The following ITPR2 variants were observed in gnomAD, a reference collection of about 807,000 sequenced individuals.
ITPR2 encodes inositol 1,4,5-trisphosphate receptor type 2, also known as inositol 1,4,5-trisphosphate-gated calcium channel ITPR2.
A neutral mutation model predicts 317.1 loss-of-function variants in ITPR2; 207 were observed. That is an observed-to-expected ratio of 0.65 (90% confidence interval 0.58 to 0.73). The LOEUF is 0.73. Among genes scored for constraint, ITPR2 ranks in the 30% least tolerant of loss-of-function variants. The probability of loss-of-function intolerance (pLI) is 0.00; values close to 1 mark genes in which losing one functional copy is unlikely to be tolerated. For synonymous variants in ITPR2, 1,156 were observed against 1,149.1 expected, an observed-to-expected ratio of 1.01 and a Z score of -0.12; for missense variants, 2,613 against 3,284.0, an observed-to-expected ratio of 0.80 and a Z score of 4.99.
At position 26,337,029 on chromosome 12, in the gene ITPR2, A is replaced by C. The variant is rs989183224; in HGVS notation, c.*2368T>G. Reference sequence around the variant, plus strand: ...TTTCTAAGCATTTAGGCAGAAAAGAAAGAGGCATTAAAAATACAACTCAGA... The same window carrying C: ...TTTCTAAGCATTTAGGCAGAAAAGACAGAGGCATTAAAAATACAACTCAGA... On this transcript the variant is annotated 3_prime_UTR_variant, in exon 57 of 57. Transcript: ENST00000381340. 1 of 151,402 alleles carries C rather than the reference A, an allele frequency of 6.6e-6. No homozygotes were observed. The highest frequency in any genetic ancestry group is 1.5e-5 in the Non-Finnish European group (1 of 67,906). The allele number at this position is 151,402 out of a possible 1,614,324, so 9.4% of individuals were successfully genotyped here. A position where few individuals can be genotyped will look rare whatever the true frequency, so the allele number is the denominator to read the frequency against.
At chr12:26,463,617 A>G (rs1384933695) in intron 45 of ITPR2, among the ~76,000 whole-genome samples, 2 of 152,040 alleles carry the variant, frequency 1.3e-5, no homozygotes, top group Non-Finnish European at 2.9e-5. Flanking sequence ...CTGAGCTGAG[A>G]TCGCACCACT....
intron 38 of ITPR2, 58 bp downstream of exon 38, chr12:26,495,094 C>T (rs1269809306): frequency 3.4e-6 from 3 of 892,984 alleles, no homozygotes; most frequent in Admixed American, 1.8e-5. Context: ...TAGAGTAACA[C>T]TGACATGAAG....
intron 8 of ITPR2, among the ~76,000 whole-genome samples, chr12:26,714,998 C>T (rs1343150645): frequency 6.6e-6 from 1 of 152,110 alleles, no homozygotes; most frequent in East Asian, 1.9e-4. Context: ...CTAGTCTTGA[C>T]ATTTCACAAT....
intron 1 of ITPR2, among the ~76,000 whole-genome samples, chr12:26,812,210 C>T (rs947895827): frequency 1.7e-4 from 26 of 151,102 alleles, no homozygotes; most frequent in African/African-American, 6.1e-4. Flanking sequence ...TCCGTTGGCA[C>T]TAAAATGTGT....
chr12:26,552,536 C>CA (rs1351535171), intron 36 of ITPR2, among the ~76,000 whole-genome samples: 3 of 152,122 alleles, frequency 2.0e-5, no homozygotes, highest in Admixed American at 6.5e-5. Context: ...AGCAAACACA[C>CA]AATGAAAGTA....
chr12:26,516,264 A>AGGG (rs1173629447), intron 37 of ITPR2, among the ~76,000 whole-genome samples: 33 of 48,954 alleles, frequency 6.7e-4, no homozygotes, highest in Non-Finnish European at 1.1e-3. Context: ...AAGGAAAGGA[A>AGGG]AGGAAAGGAA....
At chr12:26,763,849 T>A (rs992326834) in intron 2 of ITPR2, among the ~76,000 whole-genome samples, 2 of 152,114 alleles carry the variant, frequency 1.3e-5, no homozygotes, top group African/African-American at 4.8e-5. Context: ...GATCTTTACA[T>A]CTAGCCTCTA....
At chr12:26,674,111 C>A (rs1425690004) in intron 13 of ITPR2, among the ~76,000 whole-genome samples, 1 of 141,854 alleles carries the variant, frequency 7.0e-6, no homozygotes, top group Non-Finnish European at 1.5e-5. Context: ...GTGAAAATGG[C>A]CATACTGCCC....
intron 37 of ITPR2, among the ~76,000 whole-genome samples, chr12:26,497,615 A>G (rs1942969563): frequency 6.6e-6 from 1 of 152,182 alleles, no homozygotes; most frequent in Non-Finnish European, 1.5e-5. Flanking sequence ...TACATGGCAT[A>G]GCCTGTCTAC....
At chr12:26,706,550 T>C (rs985576391) in intron 9 of ITPR2, among the ~76,000 whole-genome samples, 14 of 152,190 alleles carry the variant, frequency 9.2e-5, no homozygotes, top group Non-Finnish European at 1.9e-4. Context: ...CCCATGTGCC[T>C]TACTCATTCA....
intron 43 of ITPR2, 29 bp from the exon 44 acceptor site, chr12:26,477,036 T>G (rs779591310): frequency 1.4e-6 from 2 of 1,387,326 alleles, no homozygotes; most frequent in South Asian, 2.4e-5. Flanking sequence ...TTAATGTGCA[T>G]GCAAAGTCTA....
At chr12:26,784,041 A>G (rs1160698812) in intron 2 of ITPR2, among the ~76,000 whole-genome samples, 1 of 146,878 alleles carries the variant, frequency 6.8e-6, no homozygotes, top group Non-Finnish European at 1.5e-5. Context: ...AGTCAAAAGG[A>G]CTTTAGTGGA....
intron 54 of ITPR2, among the ~76,000 whole-genome samples, chr12:26,392,493 A>G (rs1215520236): frequency 1.3e-5 from 2 of 152,104 alleles, no homozygotes; most frequent in Admixed American, 1.3e-4. Flanking sequence ...ACAACACTTC[A>G]CTATGAAAAT....
At chr12:26,700,894 T>C (rs970418810) in intron 9 of ITPR2, among the ~76,000 whole-genome samples, 1 of 152,184 alleles carries the variant, frequency 6.6e-6, no homozygotes. Context: ...GAGAAAACCG[T>C]TTATCATGAC....
chr12:26,773,422 G>A (rs527889228), intron 2 of ITPR2, among the ~76,000 whole-genome samples: 41 of 152,214 alleles, frequency 2.7e-4, no homozygotes, highest in Non-Finnish European at 4.4e-4. Flanking sequence ...TGAGCCTGCA[G>A]CTCATGAAAA....
chr12:26,486,962 G>T, intron 40 of ITPR2, 106 bp downstream of exon 40: 1 of 1,140,422 alleles, frequency 8.8e-7, no homozygotes, highest in Non-Finnish European at 1.3e-6. Flanking sequence ...CCACAGTGGG[G>T]ATAATTAAAC....
rs77462307 is a variant in ITPR2 at position 26,831,609 on chromosome 12, G to A, written c.92+1081C>T. Among the ~76,000 whole-genome samples, 22,670 of 150,342 alleles carry A rather than the reference G, an allele frequency of 0.15. 2,245 individuals carry two copies. The highest frequency in any genetic ancestry group is 0.22 in the East Asian group (1,112 of 5,122). ...GCAGCGTGCAATTAAACTGCACACTGCTATTCCCAATCAGAACAGAGAAAA... is the reference window on the plus strand; with the variant it reads ...GCAGCGTGCAATTAAACTGCACACTACTATTCCCAATCAGAACAGAGAAAA... On this transcript the variant is annotated intron_variant, in intron 1 of 56. Transcript: ENST00000381340. The surrounding 1 kb of genome is among the most constrained non-coding windows in gnomAD (Gnocchi z 4.9).
chr12:26,820,823 T>A (rs1950927134), intron 1 of ITPR2, among the ~76,000 whole-genome samples: 1 of 152,214 alleles, frequency 6.6e-6, no homozygotes, highest in Admixed American at 6.5e-5. Context: ...TAACATGTGC[T>A]GCAACATGGA....
chr12:26,662,181 C>T lies in ITPR2; in HGVS notation c.1713+1504G>A, dbSNP rs564001914. On this transcript the variant is annotated intron_variant, in intron 15 of 56. Coordinates refer to ENST00000381340, the MANE Select transcript of ITPR2 (RefSeq NM_002223.4). ...TGAAGCCAAAACATTTTAACACAGT[C>T]TTCCTCAAGCAAATCTTTTTTTCTT... 3.9e-5 allele frequency among the ~76,000 whole-genome samples: 6 copies of T among 152,280 alleles called. No individual in the cohort carries two copies. In the South Asian group the frequency reaches 1.0e-3, roughly 26 times the overall value.
Sources: allele counts gnomAD v4.1 joint callset (sites outside exome capture counted in the v4.1 genomes callset), GRCh38; gene constraint gnomAD v4.1.1; non-coding constraint Gnocchi (gnomAD v3.1); transcripts MANE v1.5; gene names NCBI Gene and HGNC (gene_info 2026-07-23, HGNC 2026-07-21).